LOC400499: variants seen among roughly 807,000 people sequenced by gnomAD.
At chr16:11,383,452 A>ATGAGGCATGTACC in the LOC400499 span, among the ~76,000 whole-genome samples, 1 of 152,200 alleles carries the variant, frequency 6.6e-6, no homozygotes, top group African/African-American at 2.4e-5. Context: ...GCACTAGGCC[A>ATGAGGCATGTACC]TCCATGAGGC....
the LOC400499 span, among the ~76,000 whole-genome samples, chr16:11,430,802 C>A: frequency 6.6e-6 from 1 of 152,214 alleles, no homozygotes; most frequent in Non-Finnish European, 1.5e-5. Context: ...AAGGCTCTGA[C>A]AAGTCCTGCA....
the LOC400499 span, among the ~76,000 whole-genome samples, chr16:11,421,083 C>T: frequency 6.6e-6 from 1 of 152,210 alleles, no homozygotes; most frequent in African/African-American, 2.4e-5. Context: ...CTGCTGGTGT[C>T]ACCGCTGACC....
At chr16:11,412,614 G>A in the LOC400499 span, among the ~76,000 whole-genome samples, 2 of 152,240 alleles carry the variant, frequency 1.3e-5, no homozygotes, top group Non-Finnish European at 2.9e-5. Context: ...GATGCACTTA[G>A]TTTCTGAGAC....
the LOC400499 span, among the ~76,000 whole-genome samples, chr16:11,388,405 G>A: frequency 6.6e-5 from 10 of 152,164 alleles, no homozygotes; most frequent in African/African-American, 2.2e-4. Flanking sequence ...TTTTATGGCT[G>A]GGGAAACTGA....
the LOC400499 span, chr16:11,392,239 G>A: frequency 1.8e-5 from 7 of 398,844 alleles, no homozygotes; most frequent in South Asian, 1.3e-4. Flanking sequence ...CCAAGGGCTC[G>A]GGGCTCCTGG....
the LOC400499 span, chr16:11,450,822 T>C: frequency 1.3e-6 from 2 of 1,525,044 alleles, no homozygotes; most frequent in South Asian, 2.4e-5. Context: ...TCAAGGCTCC[T>C]GCAAGCAACA....
the LOC400499 span, chr16:11,460,617 G>A: frequency 9.4e-5 from 144 of 1,525,808 alleles, no homozygotes; most frequent in Non-Finnish European, 1.1e-4. Context: ...TGACCTGTGT[G>A]GATCAACCCA....
At chr16:11,524,932 C>G in the LOC400499 span, among the ~76,000 whole-genome samples, 1 of 152,198 alleles carries the variant, frequency 6.6e-6, no homozygotes, top group Non-Finnish European at 1.5e-5. Context: ...ATCCTCAAAA[C>G]CACCCCGCTG....
the LOC400499 span, among the ~76,000 whole-genome samples, chr16:11,406,981 C>T: frequency 2.6e-5 from 4 of 152,222 alleles, no homozygotes; most frequent in African/African-American, 4.8e-5. Flanking sequence ...TTTTAGGTCA[C>T]GCCCCAGCTT....
the LOC400499 span, chr16:11,387,097 G>A: frequency 4.9e-6 from 6 of 1,232,094 alleles, no homozygotes; most frequent in African/African-American, 4.7e-5. Flanking sequence ...GGCACAGCCC[G>A]GGGCAGGACT....
the LOC400499 span, among the ~76,000 whole-genome samples, chr16:11,503,721 G>A: frequency 6.6e-6 from 1 of 152,210 alleles, no homozygotes; most frequent in Non-Finnish European, 1.5e-5. Flanking sequence ...CCAGAGTCCC[G>A]GCAGCCTTCC....
chr16:11,441,834 C>G, the LOC400499 span, among the ~76,000 whole-genome samples: 2 of 152,222 alleles, frequency 1.3e-5, no homozygotes, highest in African/African-American at 2.4e-5. Flanking sequence ...AGAAGGAACA[C>G]AACCCTGCTA....
At chr16:11,503,063 T>C in the LOC400499 span, among the ~76,000 whole-genome samples, 1 of 151,720 alleles carries the variant, frequency 6.6e-6, no homozygotes, top group Non-Finnish European at 1.5e-5. Flanking sequence ...CTGGGAATAC[T>C]GGTGTGCATC....
chr16:11,490,559 G>A, the LOC400499 span, among the ~76,000 whole-genome samples: 5 of 152,076 alleles, frequency 3.3e-5, no homozygotes, highest in Admixed American at 6.6e-5. Context: ...AAATTAGCTG[G>A]GCGAGGTGGT....
At chr16:11,490,023 G>C in the LOC400499 span, among the ~76,000 whole-genome samples, 8 of 152,102 alleles carry the variant, frequency 5.3e-5, no homozygotes, top group African/African-American at 1.9e-4. Context: ...ACTTCTGGCG[G>C]AACACCCACA....
At chr16:11,387,524 G>T in the LOC400499 span, among the ~76,000 whole-genome samples, 2 of 152,216 alleles carry the variant, frequency 1.3e-5, no homozygotes, top group Non-Finnish European at 2.9e-5. Flanking sequence ...GAAACAAGCT[G>T]CCCCATTTTG....
At chr16:11,526,314 T>C in the LOC400499 span, among the ~76,000 whole-genome samples, 25 of 152,204 alleles carry the variant, frequency 1.6e-4, no homozygotes, top group Non-Finnish European at 3.7e-4. Flanking sequence ...CTCATGCCTG[T>C]AATCCCAGCA....
chr16:11,485,690 T>C, the LOC400499 span, among the ~76,000 whole-genome samples: 5 of 152,222 alleles, frequency 3.3e-5, no homozygotes. Flanking sequence ...ATCCATCTGC[T>C]TTTCCTTTCT....
the LOC400499 span, chr16:11,457,073 G>T: frequency 6.7e-7 from 1 of 1,488,748 alleles, no homozygotes. Flanking sequence ...GATGCCAATG[G>T]GATCATGCCA....
Sources: allele counts gnomAD v4.1 joint callset (sites outside exome capture counted in the v4.1 genomes callset), GRCh38; gene constraint gnomAD v4.1.1; transcripts MANE v1.5.